JMJD8: variants seen among roughly 807,000 people sequenced by gnomAD.
The protein encoded by JMJD8 is jmjC domain-containing protein 8.
JMJD8 carries 56 observed loss-of-function variants against 37.6 expected under a neutral mutation model. That is an observed-to-expected ratio of 1.49 (90% CI 1.20 to 1.86). JMJD8 has a LOEUF of 1.86. Ranked by LOEUF, JMJD8 falls within the 40% of genes most tolerant of loss-of-function variation. The probability of loss-of-function intolerance (pLI) is 0.00; values close to 1 mark genes in which losing one functional copy is unlikely to be tolerated. For synonymous variants in JMJD8, 261 were observed against 163.7 expected (o/e 1.59, Z -4.54); for missense variants, 542 against 362.7 (o/e 1.49, Z -4.01).
At position 682,299 on chromosome 16, in the gene JMJD8, G is replaced by A. The variant is rs752372377; in HGVS notation, c.*495C>T. The A allele has an allele frequency of 7.4e-6, 12 of 1,612,634 alleles. No individual in the cohort carries two copies. The South Asian group carries it at 1.1e-4, about 15-fold the overall frequency. On this transcript the variant is annotated 3_prime_UTR_variant, in exon 9 of 9. Coordinates refer to ENST00000609261, the MANE Select transcript of JMJD8 (RefSeq NM_001005920.4). ...ACCTGCAGGTGAGGCCTGCGGCTGG[G>A]GGAGCAGGGCCAGTGGCATGGTCCT...
At chr16:683,297 C>T (rs373261853) in intron 6 of JMJD8, 25 bp downstream of exon 6, 11 of 1,609,430 alleles carry the variant, frequency 6.8e-6, no homozygotes, top group African/African-American at 1.3e-5. Context: ...AGCCTCAGTC[C>T]TTCCCAGTCC....
rs752040982 is a variant in JMJD8 at position 682,950 on chromosome 16, G to A, written c.714+3C>T. 3.7e-5 allele frequency: 60 copies of A among 1,612,194 alleles called. No individual in the cohort carries two copies. The highest frequency in any genetic ancestry group is 4.9e-5 in the Non-Finnish European group (58 of 1,179,164). On this transcript the variant is annotated splice_donor_region_variant and intron_variant, in intron 8 of 8. Transcript: ENST00000609261. ...GCCTGGCCCTCTCCTGCCAGCCACT[G>A]ACCTCACCAGCCCGGATGGTACACT... is the stretch of plus-strand genomic sequence containing the variant.
rs1343156032 is a variant in JMJD8 at position 681,751 on chromosome 16, C to T, written c.*1043G>A. 1 of 1,562,946 alleles carries T rather than the reference C, an allele frequency of 6.4e-7. No homozygotes were observed. Among genetic ancestry groups the T allele is most frequent in the Admixed American group, 1.8e-5 (1 of 57,076 alleles). ...CTGAGATTGGGGTGTGGTCAGACAT[C>T]TGGCCAGGTCCATCTCTGACCGGCT... On this transcript the variant is annotated 3_prime_UTR_variant, in exon 9 of 9. Coordinates refer to ENST00000609261, the MANE Select transcript of JMJD8 (RefSeq NM_001005920.4).
In JMJD8 at chr16:683,430, A is replaced by C; in HGVS notation, c.403T>G (p.Phe135Val). Residue 135 changes from phenylalanine (F) to valine (V), a missense_variant, in exon 6 of 9, where the codon TTC (phenylalanine) becomes GTC (valine). By Grantham distance (50) the Phe-to-Val change is conservative. Transcript: ENST00000609261. ...TCGGTGAAGTTGTTGTCCCCGAAGA[A>C]GTACAGGGTGTCTGCCAACAGAGAC... ...PTSLGNDTLY[F>V]FGDNNFTEWA... is the part of the protein sequence containing the mutation. 6.4e-7 allele frequency: 1 copy of C among 1,552,042 alleles called. No individual in the cohort carries two copies. The highest frequency in any genetic ancestry group is 2.4e-5 in the East Asian group (1 of 40,964).
chr16:683,158 C>T lies in JMJD8; in HGVS notation c.579+9G>A, dbSNP rs767035682. 182 of 1,613,342 alleles carry T rather than the reference C, an allele frequency of 1.1e-4. No individual in the cohort carries two copies. Among genetic ancestry groups the T allele is most frequent in the South Asian group, 8.8e-5 (8 of 91,090 alleles). On this transcript the variant is annotated intron_variant, in intron 7 of 8. Transcript: ENST00000609261. ...GAGTCCCAAGCCTCAACCCCCACCC[C>T]GTGCTGACCTTACGACCGTAGATCA... is the stretch of plus-strand genomic sequence containing the variant.
rs1000603813 is a variant in JMJD8, at chr16:682,627, C to G, written c.*167G>C. 6 of 1,436,674 alleles carry G rather than the reference C, an allele frequency of 4.2e-6. No individual in the cohort carries two copies. Among genetic ancestry groups the G allele is most frequent in the African/African-American group, 1.4e-5 (1 of 71,662 alleles). The allele number at this position is 1,436,674 out of a possible 1,614,324, so 89.0% of individuals were successfully genotyped here. ...TGTTGGACTCTGGACTGTTTCCCCT[C>G]TCAGCATCGCTTTTGCTGGGCCGTG... On this transcript the variant is annotated 3_prime_UTR_variant, in exon 9 of 9. Transcript: ENST00000609261.
Position 684,119 on chromosome 16 carries a change from C to A in JMJD8, c.123G>T (p.Glu41Asp), listed in dbSNP as rs780132238. The change falls in exon 2 of 9, where the codon GAG (glutamate) becomes GAT (aspartate). Residue 41 changes from glutamate to aspartate, a missense_variant. Physicochemically the swap from Glu to Asp is conservative, Grantham distance 45. Transcript: ENST00000609261. ...CGGCCCGACGCTCCACCGTGCAGCG[C>A]TCCTCCTCCGCCACGGCCCCCGGCC... ...PGGPGAVAEEERCTVERRADL... is the reference protein window; with the variant it reads ...PGGPGAVAEEDRCTVERRADL... 5.2e-6 allele frequency: 8 copies of A among 1,541,006 alleles called. No individual in the cohort carries two copies. In the Admixed American group the frequency reaches 5.6e-5, roughly 11 times the overall value.
rs1427462549 is a variant in JMJD8, at chr16:684,081, G to C, written c.161C>G (p.Ala54Gly). 3 of 1,578,692 alleles carry C rather than the reference G, an allele frequency of 1.9e-6. No individual in the cohort carries two copies. In the South Asian group the frequency reaches 3.4e-5, roughly 18 times the overall value. ...GCGCACGTACTGCTGCACGAACTCC[G>C]CGTAGGTGAGGTCGGCCCGACGCTC... ...TVERRADLTYAEFVQQYAFVR... is the reference protein window; with the variant it reads ...TVERRADLTYGEFVQQYAFVR... Residue 54 changes from alanine (A) to glycine (G), a missense_variant, in exon 2 of 9, where the codon GCG becomes GGG. Ala to Gly is a moderately conservative substitution (Grantham distance 60). Transcript: ENST00000609261.
In JMJD8 at chr16:683,669, G is replaced by C; in HGVS notation, c.322+16C>G. On this transcript the variant is annotated intron_variant, in intron 4 of 8. Transcript: ENST00000609261. ...GTGTTGGCAAATGGGCGGGCCCCAG[G>C]GGTGAGGCCGCGTACCTTTGTGGTA... The C allele has an allele frequency of 6.3e-7, 1 of 1,592,230 alleles. No homozygotes were observed.
rs72773413 is a variant in JMJD8, at chr16:683,424, C to A, written c.409G>T (p.Gly137Trp). The change falls in exon 6 of 9, where the codon GGG becomes TGG. Residue 137 changes from glycine to tryptophan, a missense_variant. Coordinates refer to ENST00000609261, the MANE Select transcript of JMJD8 (RefSeq NM_001005920.4). Reference protein sequence around the residue: ...SLGNDTLYFFGDNNFTEWASL... With the variant: ...SLGNDTLYFFWDNNFTEWASL... ...GCCCACTCGGTGAAGTTGTTGTCCC[C>A]GAAGAAGTACAGGGTGTCTGCCAAC... 6.4e-7 allele frequency: 1 copy of A among 1,552,126 alleles called. No homozygotes were observed. The highest frequency in any genetic ancestry group is 1.2e-5 in the South Asian group (1 of 84,240).
Position 682,086 on chromosome 16 carries a change from T to TGTCG in JMJD8, c.*704_*707dup, listed in dbSNP as rs1439635796. The TGTCG allele has an allele frequency of 1.9e-6, 3 of 1,581,130 alleles. No individual in the cohort carries two copies. The highest frequency in any genetic ancestry group is 2.6e-6 in the Non-Finnish European group (3 of 1,157,646). ...GGATGAGAAGAGGAAGGTGAGTGTGTGTCGCTTGCTGCCGATGGCTGGCAG... is the reference window on the plus strand; with the variant it reads ...GGATGAGAAGAGGAAGGTGAGTGTGTGTCGGTCGCTTGCTGCCGATGGCTGGCAG... On this transcript the variant is annotated 3_prime_UTR_variant, in exon 9 of 9. Transcript: ENST00000609261.
chr16:683,064 C>T lies in JMJD8; in HGVS notation c.603G>A (p.Glu201=). 1.2e-6 allele frequency: 2 copies of T among 1,613,610 alleles called. No individual in the cohort carries two copies. Among genetic ancestry groups the T allele is most frequent in the South Asian group, 1.1e-5 (1 of 91,088 alleles). The change falls in exon 8 of 9, where the codon GAG becomes GAA. Residue 201 remains glutamate, a synonymous_variant. Transcript: ENST00000609261. ...TGTTGGGGTGGAACTCTGGCGTCTTCTCAGGTGGGTAAAGGAACCAGCGCT... is the reference window on the plus strand; with the variant it reads ...TGTTGGGGTGGAACTCTGGCGTCTTTTCAGGTGGGTAAAGGAACCAGCGCT... ...GRKRWFLYPP[E]KTPEFHPNKT...
At position 682,256 on chromosome 16, in the gene JMJD8, G is replaced by T; in HGVS notation, c.*538C>A. ...ACGCCCAGTGGCATCACCTACGACC[G>T]CAAGGACATCGAGGAGCACCTGCAG... On this transcript the variant is annotated 3_prime_UTR_variant, in exon 9 of 9. Coordinates refer to ENST00000609261, the MANE Select transcript of JMJD8 (RefSeq NM_001005920.4). The T allele has an allele frequency of 6.2e-7, 1 of 1,611,446 alleles. No homozygotes were observed. Among genetic ancestry groups the T allele is most frequent in the Non-Finnish European group, 8.5e-7 (1 of 1,179,742 alleles).
Position 682,773 on chromosome 16 carries a change from C to T in JMJD8, c.*21G>A, listed in dbSNP as rs1365694690. On this transcript the variant is annotated 3_prime_UTR_variant, in exon 9 of 9. Transcript: ENST00000609261. ...GTGGGACGTGCTGGTGTGTGACCGG[C>T]AGTCCTGCCAGCTGTTTTGGCTAGC... 3 of 1,611,954 alleles carry T rather than the reference C, an allele frequency of 1.9e-6. No individual in the cohort carries two copies. The highest frequency in any genetic ancestry group is 3.3e-5 in the Admixed American group (2 of 59,940).
intron 1 of JMJD8, 25 bp downstream of exon 1, chr16:684,209 G>A (rs1308755602): frequency 6.1e-6 from 8 of 1,305,394 alleles, no homozygotes; most frequent in Non-Finnish European, 6.8e-6. Flanking sequence ...TGACCCCACC[G>A]CCCGGCCCCT....
rs753565378 is a variant in JMJD8 at position 683,018 on chromosome 16, G to C, written c.649C>G (p.Arg217Gly). ...HPNKTTLAWLRDTYPALPPSA... is the reference protein window; with the variant it reads ...HPNKTTLAWLGDTYPALPPSA... ...GGTGGCAGGGCTGGGTATGTGTCCC[G>C]GAGCCAGGCCAGCGTGGTCTTGTTG... Residue 217 changes from arginine (R) to glycine (G), a missense_variant, in exon 8 of 9, where the codon CGG (arginine) becomes GGG (glycine). By Grantham distance (125) the Arg-to-Gly change is moderately radical. Coordinates refer to ENST00000609261, the MANE Select transcript of JMJD8 (RefSeq NM_001005920.4). The C allele has an allele frequency of 6.2e-7, 1 of 1,613,446 alleles. No homozygotes were observed. The highest frequency in any genetic ancestry group is 2.2e-5 in the East Asian group (1 of 44,884).
chr16:682,901 G>A (rs747438335), intron 8 of JMJD8, 27 bp from the exon 9 acceptor site: 6 of 1,612,496 alleles, frequency 3.7e-6, no homozygotes, highest in Non-Finnish European at 4.2e-6. Context: ...GTGCAGCAGA[G>A]ATTAGCTGCG....
At position 681,929 on chromosome 16, in the gene JMJD8, G is replaced by A. The variant is rs756410052; in HGVS notation, c.*865C>T. On this transcript the variant is annotated 3_prime_UTR_variant, in exon 9 of 9. Coordinates refer to ENST00000609261, the MANE Select transcript of JMJD8 (RefSeq NM_001005920.4). ...GTGGGTCTGTGTGTGTGCACGTGGC[G>A]TGGGAGCATCCCCGCCTTGTGTTGG... is the stretch of plus-strand genomic sequence containing the variant. 22 of 1,612,656 alleles carry A rather than the reference G, an allele frequency of 1.4e-5. No individual in the cohort carries two copies. Among genetic ancestry groups the A allele is most frequent in the South Asian group, 5.5e-5 (5 of 91,070 alleles).
chr16:683,840 G>T (rs2151511708), intron 3 of JMJD8, 21 bp downstream of exon 3: 1 of 1,585,128 alleles, frequency 6.3e-7, no homozygotes. Context: ...AGTGGCCGGG[G>T]ACGGACGGGC....
Sources: gnomAD v4.1 joint callset for allele counts on GRCh38, gnomAD v4.1.1 for gene constraint, MANE v1.5 for transcripts, NCBI Gene and HGNC (gene_info 2026-07-23, HGNC 2026-07-21) for gene names.